CHD9: variants seen among roughly 807,000 people sequenced by gnomAD.
The protein encoded by CHD9 is chromodomain helicase DNA binding protein 9.
CHD9 carries 77 observed loss-of-function variants against 316.1 expected under a neutral mutation model. That is an observed-to-expected ratio of 0.24 (90% CI 0.20 to 0.29). The LOEUF is 0.29. CHD9 is among the 10% of genes least tolerant of loss of function. The probability of loss-of-function intolerance (pLI) is 1.00; values close to 1 mark genes in which losing one functional copy is unlikely to be tolerated. For synonymous variants in CHD9, 1,129 were observed against 1,158.3 expected (o/e 0.97, Z 0.51); for missense variants, 2,763 against 3,438.1 (o/e 0.80, Z 4.91).
In CHD9 at chr16:53,245,112, T is replaced by A. The variant is rs577487571; in HGVS notation, c.3055-224T>A. Among the ~76,000 whole-genome samples, 3 of 152,156 alleles carry A rather than the reference T, an allele frequency of 2.0e-5. No individual in the cohort carries two copies. The highest frequency in any genetic ancestry group is 3.9e-4 in the East Asian group (2 of 5,180). On this transcript the variant is annotated intron_variant, in intron 13 of 38. Coordinates refer to ENST00000447540, the MANE Select transcript of CHD9 (RefSeq NM_001308319.2). The surrounding 1 kb of genome is among the most constrained non-coding windows in gnomAD (Gnocchi z 4.1). ...TGTAATTATGTTGTATGTGTAATGC[T>A]GAACTATGATGGCATCACTGCACTC...
intron 3 of CHD9, among the ~76,000 whole-genome samples, chr16:53,212,110 T>G (rs1171338075): frequency 6.6e-6 from 1 of 152,088 alleles, no homozygotes; most frequent in Non-Finnish European, 1.5e-5. Context: ...ATATAAATTT[T>G]AAAATTAATG....
At chr16:53,109,820 G>A (rs1454300745) in intron 1 of CHD9, among the ~76,000 whole-genome samples, 1 of 151,110 alleles carries the variant, frequency 6.6e-6, no homozygotes, top group Non-Finnish European at 1.5e-5. Flanking sequence ...GAGTAGCTGG[G>A]ACTACAGGCG....
At chr16:53,226,299 G>T (rs1178168461) in intron 4 of CHD9, 67 bp from the exon 5 acceptor site, 20 of 1,112,364 alleles carry the variant, frequency 1.8e-5, no homozygotes, top group African/African-American at 3.3e-5. Flanking sequence ...AACTCTAGGG[G>T]TAATTATTTT....
Position 53,113,438 on chromosome 16 carries a change from G to C in CHD9, c.-164-42488G>C, listed in dbSNP as rs905442211. ...AGCAATTCTCCTGCCTCAGCCTCCC[G>C]AGTAGCTGGGACCACAGGTACATGC... On this transcript the variant is annotated intron_variant, in intron 1 of 38. Transcript: ENST00000447540. Among the ~76,000 whole-genome samples, 10 of 136,578 alleles carry C rather than the reference G, an allele frequency of 7.3e-5. No homozygotes were observed. The Admixed American group carries it at 8.3e-4, about 11-fold the overall frequency. The allele number at this position is 136,578 out of a possible 152,430, so 89.6% of individuals were successfully genotyped here. A position where few individuals can be genotyped will look rare whatever the true frequency, so the allele number is the denominator to read the frequency against.
intron 31 of CHD9, among the ~76,000 whole-genome samples, chr16:53,305,231 T>G (rs774861531): frequency 6.6e-6 from 1 of 151,782 alleles, no homozygotes; most frequent in Non-Finnish European, 1.5e-5. Flanking sequence ...CCAGCTAATT[T>G]TTGTATTTTT....
intron 1 of CHD9, among the ~76,000 whole-genome samples, chr16:53,096,982 A>G (rs1459345282): frequency 6.6e-6 from 1 of 151,948 alleles, no homozygotes; most frequent in Non-Finnish European, 1.5e-5. Context: ...GGATTAACCC[A>G]TTCATTAGGG....
intron 2 of CHD9, among the ~76,000 whole-genome samples, chr16:53,206,460 T>C (rs1267815784): frequency 6.6e-6 from 1 of 152,192 alleles, no homozygotes; most frequent in Admixed American, 6.5e-5. Context: ...CTGTAAATTA[T>C]GATAGTTGAA....
chr16:53,074,951 C>T (rs2034398181), intron 1 of CHD9, among the ~76,000 whole-genome samples: 1 of 152,154 alleles, frequency 6.6e-6, no homozygotes, highest in Admixed American at 6.6e-5. Context: ...ATCCAACTTG[C>T]ATCGTGTGCC....
At chr16:53,295,761 A>C (rs978009963) in intron 29 of CHD9, among the ~76,000 whole-genome samples, 6 of 152,192 alleles carry the variant, frequency 3.9e-5, no homozygotes, top group African/African-American at 7.2e-5. Flanking sequence ...TGGCCCATTC[A>C]CATTTTTCAA....
At chr16:53,063,351 A>T (rs1429000164) in intron 1 of CHD9, among the ~76,000 whole-genome samples, 1 of 129,842 alleles carries the variant, frequency 7.7e-6, no homozygotes, top group Non-Finnish European at 1.7e-5. Context: ...GCTGCTTCTC[A>T]TAAATTTCAC....
chr16:53,169,544 TG>T (rs2042527518), intron 2 of CHD9: 2 of 152,178 alleles, frequency 1.3e-5, no homozygotes, highest in African/African-American at 4.8e-5. Flanking sequence ...ATCAGAAAGG[TG>T]AAAGAATAGT....
chr16:53,066,402 C>T (rs111427020), intron 1 of CHD9, among the ~76,000 whole-genome samples: 1 of 152,162 alleles, frequency 6.6e-6, no homozygotes, highest in Non-Finnish European at 1.5e-5. Context: ...AGCAAGCAGA[C>T]CTTTTACCAG....
chr16:53,304,262 C>T lies in CHD9; in HGVS notation c.6256C>T (p.Pro2086Ser). Reference sequence around the variant, plus strand: ...TGTAAGTCCAAAGAATGGTGTTTTACCACAGGCTACTGGAGACCAGAAATC... The same window carrying T: ...TGTAAGTCCAAAGAATGGTGTTTTATCACAGGCTACTGGAGACCAGAAATC... ...EPVSPKNGVLPQATGDQKSGG... is the reference protein window; with the variant it reads ...EPVSPKNGVLSQATGDQKSGG... The change falls in exon 31 of 39, where the codon CCA becomes TCA. Residue 2086 changes from proline to serine, a missense_variant. This residue lies in a region of CHD9 where 663 missense variants were observed against 751.2 expected (regional missense o/e 0.88). Coordinates refer to ENST00000447540, the MANE Select transcript of CHD9 (RefSeq NM_001308319.2). The T allele has an allele frequency of 6.2e-7, 1 of 1,611,342 alleles. No individual in the cohort carries two copies. Among genetic ancestry groups the T allele is most frequent in the Non-Finnish European group, 8.5e-7 (1 of 1,179,274 alleles).
rs1415490536 is a variant in CHD9, at chr16:53,231,516, G to A, written c.2373+11G>A. ...AAGGATACTGGTGAGGTAAATATATGGTAAAAAGATTTTTTAAGTAAGAAA... is the reference window on the plus strand; with the variant it reads ...AAGGATACTGGTGAGGTAAATATATAGTAAAAAGATTTTTTAAGTAAGAAA... On this transcript the variant is annotated intron_variant, in intron 9 of 38. Transcript: ENST00000447540. 1.1e-5 allele frequency: 16 copies of A among 1,511,136 alleles called. No homozygotes were observed. Among genetic ancestry groups the A allele is most frequent in the Non-Finnish European group, 1.5e-5 (16 of 1,100,350 alleles). The allele number at this position is 1,511,136 out of a possible 1,614,324, so 93.6% of individuals were successfully genotyped here. A position where few individuals can be genotyped will look rare whatever the true frequency, so the allele number is the denominator to read the frequency against.
chr16:53,174,886 T>G (rs1437660123), intron 2 of CHD9, among the ~76,000 whole-genome samples: 2 of 152,250 alleles, frequency 1.3e-5, no homozygotes, highest in Non-Finnish European at 2.9e-5. Context: ...AATTTCACCT[T>G]CTTGAGTAAT....
intron 1 of CHD9, among the ~76,000 whole-genome samples, chr16:53,141,584 A>T (rs1037488243): frequency 6.6e-6 from 1 of 152,182 alleles, no homozygotes; most frequent in Non-Finnish European, 1.5e-5. Context: ...GTAAGGATTG[A>T]GGAGTTTACT....
chr16:53,293,927 G>A (rs1037380151), intron 29 of CHD9, among the ~76,000 whole-genome samples: 1 of 151,628 alleles, frequency 6.6e-6, no homozygotes, highest in Admixed American at 6.6e-5. Flanking sequence ...CAGCCTGAGT[G>A]ACAGAGTGAG....
At chr16:53,243,608 T>G (rs1238158250) in intron 13 of CHD9, among the ~76,000 whole-genome samples, 1 of 152,208 alleles carries the variant, frequency 6.6e-6, no homozygotes, top group Non-Finnish European at 1.5e-5. Context: ...CCTGTAATTT[T>G]TTGTATTTTT....
chr16:53,087,298 C>G (rs541153932), intron 1 of CHD9, among the ~76,000 whole-genome samples: 1 of 152,112 alleles, frequency 6.6e-6, no homozygotes, highest in African/African-American at 2.4e-5. Context: ...AGAGGGCACA[C>G]GGAGCAGAGA....
Sources: allele counts gnomAD v4.1 joint callset (sites outside exome capture counted in the v4.1 genomes callset), GRCh38; gene constraint gnomAD v4.1.1; regional missense constraint gnomAD v4.1.1; non-coding constraint Gnocchi (gnomAD v3.1); transcripts MANE v1.5; gene names NCBI Gene and HGNC (gene_info 2026-07-23, HGNC 2026-07-21).